LRRC7: variants seen among roughly 807,000 people sequenced by gnomAD.
LRRC7 encodes the protein leucine rich repeat containing 7, also known as leucine-rich repeat-containing protein 7.
LRRC7 carries 23 observed loss-of-function variants against 175.7 expected under a neutral mutation model. The ratio of observed to expected loss-of-function variants is 0.13; its 90% CI spans 0.09 to 0.19. The LOEUF is 0.19. LRRC7 is among the 10% of genes least tolerant of loss of function. The probability of loss-of-function intolerance (pLI) is 1.00; values close to 1 mark genes in which losing one functional copy is unlikely to be tolerated. For missense variants in LRRC7, 1,354 were observed against 1,904.7 expected (o/e 0.71, Z 5.38); for synonymous variants, 685 against 680.9 (o/e 1.01, Z -0.09).
intron 7 of LRRC7, among the ~76,000 whole-genome samples, chr1:69,851,505 A>G (rs1409830539): frequency 6.6e-6 from 1 of 152,166 alleles, no homozygotes; most frequent in African/African-American, 2.4e-5. Flanking sequence ...AATGGGATGT[A>G]GAGCACAAAT....
intron 4 of LRRC7, among the ~76,000 whole-genome samples, chr1:69,810,141 G>C (rs12024900): frequency 0.16 from 24,437 of 151,992 alleles, 2,374 homozygotes; most frequent in East Asian, 0.49. Context: ...GAGAAACAGA[G>C]AGCCAAATCA....
At chr1:69,857,094 G>A (rs912474224) in intron 7 of LRRC7, among the ~76,000 whole-genome samples, 14 of 151,984 alleles carry the variant, frequency 9.2e-5, no homozygotes, top group South Asian at 4.1e-4. Flanking sequence ...CAATAAATTC[G>A]GTATTGATGG....
chr1:69,679,914 A>C (rs575997306), intron 2 of LRRC7, among the ~76,000 whole-genome samples: 1 of 152,106 alleles, frequency 6.6e-6, no homozygotes, highest in Admixed American at 6.5e-5. Flanking sequence ...TTTTGTAAGT[A>C]CAATTGTATT....
At chr1:69,698,340 C>A (rs935798072) in intron 2 of LRRC7, among the ~76,000 whole-genome samples, 8 of 152,166 alleles carry the variant, frequency 5.3e-5, no homozygotes, top group Non-Finnish European at 8.8e-5. Context: ...TAGTTTCAAC[C>A]CCCAGCACTT....
intron 1 of LRRC7, among the ~76,000 whole-genome samples, chr1:69,621,490 A>G (rs961095444): frequency 6.6e-6 from 1 of 152,186 alleles, no homozygotes; most frequent in Non-Finnish European, 1.5e-5. Flanking sequence ...CTGAATTTAC[A>G]TCATGTTCTT....
At chr1:69,629,483 G>A (rs151008082) in intron 1 of LRRC7, among the ~76,000 whole-genome samples, 1 of 152,112 alleles carries the variant, frequency 6.6e-6, no homozygotes, top group Non-Finnish European at 1.5e-5. Context: ...CTTTGTAACC[G>A]TACACTTAAG....
At chr1:70,084,025 C>T (rs61784289) in intron 24 of LRRC7, among the ~76,000 whole-genome samples, 11,384 of 152,172 alleles carry the variant, frequency 0.075, 536 homozygotes, top group South Asian at 0.18. Context: ...TCTTAAAATG[C>T]TCTAGTGGCT....
At chr1:69,839,170 C>A (rs188442589) in intron 7 of LRRC7, 4 of 165,330 alleles carry the variant, frequency 2.4e-5, no homozygotes, top group African/African-American at 7.2e-5. Context: ...TTTTCCTAAG[C>A]AAACTGGATT....
chr1:69,764,767 A>G (rs1459254804), intron 3 of LRRC7, among the ~76,000 whole-genome samples: 2 of 151,094 alleles, frequency 1.3e-5, no homozygotes, highest in Non-Finnish European at 3.0e-5. Flanking sequence ...ATAGATAGAT[A>G]GATAGATAGA....
At chr1:69,699,116 C>A (rs1341442731) in intron 2 of LRRC7, among the ~76,000 whole-genome samples, 1 of 152,038 alleles carries the variant, frequency 6.6e-6, no homozygotes, top group Non-Finnish European at 1.5e-5. Context: ...GACAGTGTGG[C>A]GATGCCCCTT....
intron 1 of LRRC7, among the ~76,000 whole-genome samples, chr1:69,622,543 G>C (rs547013879): frequency 7.2e-5 from 11 of 152,202 alleles, no homozygotes; most frequent in Non-Finnish European, 1.6e-4. Flanking sequence ...TTTATATATT[G>C]ACATACAAAG....
At chr1:69,994,720 A>C in intron 11 of LRRC7, 87 bp downstream of exon 11, 1 of 820,842 alleles carries the variant, frequency 1.2e-6, no homozygotes, top group Non-Finnish European at 2.0e-6. Context: ...AACATTTTCT[A>C]CTAAAGATAC....
intron 8 of LRRC7, among the ~76,000 whole-genome samples, chr1:69,967,783 G>A (rs1570841656): frequency 1.3e-5 from 2 of 152,156 alleles, no homozygotes; most frequent in African/African-American, 2.4e-5. Context: ...ACACCCATGG[G>A]TAAAAAGGAA....
chr1:69,839,678 C>T (rs1027589837), intron 7 of LRRC7, among the ~76,000 whole-genome samples: 1 of 151,966 alleles, frequency 6.6e-6, no homozygotes, highest in African/African-American at 2.4e-5. Flanking sequence ...ACATTTAGGT[C>T]AAGGAAAAAA....
At chr1:70,113,544 T>C (rs930757919) in intron 26 of LRRC7, among the ~76,000 whole-genome samples, 3 of 152,138 alleles carry the variant, frequency 2.0e-5, no homozygotes, top group Non-Finnish European at 4.4e-5. Context: ...GAAACTTCTT[T>C]TAAAAGCGAG....
chr1:69,581,273 G>C (rs1175388754), intron 1 of LRRC7, among the ~76,000 whole-genome samples: 2 of 152,158 alleles, frequency 1.3e-5, no homozygotes, highest in African/African-American at 4.8e-5. Context: ...GAAGGTGAGA[G>C]TGGAAATAGG....
At chr1:69,913,800 A>G (rs1646606334) in intron 7 of LRRC7, among the ~76,000 whole-genome samples, 1 of 152,190 alleles carries the variant, frequency 6.6e-6, no homozygotes, top group Non-Finnish European at 1.5e-5. Context: ...GATGTGAGCC[A>G]CTGTGCTCAG....
chr1:69,808,536 A>G (rs1467817437), intron 4 of LRRC7, among the ~76,000 whole-genome samples: 1 of 152,148 alleles, frequency 6.6e-6, no homozygotes, highest in Non-Finnish European at 1.5e-5. Context: ...AGCAAATGCA[A>G]AAGAATGGAA....
At position 70,144,057 on chromosome 1, in the gene LRRC7, ATATTTTAAATTT is replaced by A. The variant is rs1667201325; in HGVS notation, c.*22171_*22182del. The stretch of plus-strand genomic sequence containing the variant: ...ATGTGCAAAGAAGTCCTATGAATCT[ATATTTTAAATTT>A]ACTGAACCAGTGAAATTAATTACTG... On this transcript the variant is annotated 3_prime_UTR_variant, in exon 27 of 27. Coordinates refer to ENST00000651989, the MANE Select transcript of LRRC7 (RefSeq NM_001370785.2). 1 of 152,200 alleles carries A rather than the reference ATATTTTAAATTT, an allele frequency of 6.6e-6. No individual in the cohort carries two copies. The highest frequency in any genetic ancestry group is 1.5e-5 in the Non-Finnish European group (1 of 68,022). The allele number at this position is 152,200 out of a possible 1,614,324, so 9.4% of individuals were successfully genotyped here. A position where few individuals can be genotyped will look rare whatever the true frequency, so the allele number is the denominator to read the frequency against.
Sources: gnomAD v4.1 joint callset for allele counts (sites outside exome capture counted in the v4.1 genomes callset) on GRCh38, gnomAD v4.1.1 for gene constraint, MANE v1.5 for transcripts, NCBI Gene and HGNC (gene_info 2026-07-23, HGNC 2026-07-21) for gene names.